Variants in CCDC92 observed in about 807,000 individuals in gnomAD.
CCDC92 encodes the protein coiled-coil domain containing 92, also known as coiled-coil domain-containing protein 92.
CCDC92 carries 12 observed loss-of-function variants against 24.9 expected under a neutral mutation model. The observed-to-expected ratio is 0.48, with a 90% CI of 0.31 to 0.78. The LOEUF is 0.78. Among genes scored for constraint, CCDC92 ranks in the 30% least tolerant of loss-of-function variants. CCDC92 has a pLI of 0.05. For synonymous variants in CCDC92, 193 were observed against 196.3 expected, an observed-to-expected ratio of 0.98 and a Z score of 0.14; for missense variants, 399 against 439.4, an observed-to-expected ratio of 0.91 and a Z score of 0.82.
At chr12:123,939,900 A>T (rs1352138166) in intron 4 of CCDC92, among the ~76,000 whole-genome samples, 1 of 152,198 alleles carries the variant, frequency 6.6e-6, no homozygotes, top group Non-Finnish European at 1.5e-5. Context: ...TCCTTCCCCC[A>T]GGGCCTGTGG....
At chr12:123,971,405 G>T (rs1956529432) in intron 1 of CCDC92, 1 of 149,986 alleles carries the variant, frequency 6.7e-6, no homozygotes, top group Admixed American at 6.6e-5. Flanking sequence ...AAAATGCATG[G>T]GAATTCTTGA....
Position 123,937,065 on chromosome 12 carries a change from G to A in CCDC92, c.989C>T (p.Thr330Ile), listed in dbSNP as rs771790655. 1.1e-5 allele frequency: 18 copies of A among 1,613,838 alleles called. No homozygotes were observed. Among genetic ancestry groups the A allele is most frequent in the Non-Finnish European group, 1.4e-5 (17 of 1,180,012 alleles). The part of the protein sequence containing the change: ...VVRKHSGTDR[T>I]V ...GGTGGGGCACGGCGGGCTTCACACA[G>A]TTCTGTCCGTCCCTGAGTGCTTCCT... Residue 330 changes from threonine to isoleucine, a missense_variant, in exon 5 of 5, where the codon ACT (threonine) becomes ATT (isoleucine). Coordinates refer to ENST00000238156, the MANE Select transcript of CCDC92 (RefSeq NM_025140.3). The surrounding 1 kb of genome is among the most constrained non-coding windows in gnomAD (Gnocchi z 8.4).
chr12:123,950,576 G>C (rs1249742804), intron 1 of CCDC92, among the ~76,000 whole-genome samples: 2 of 152,148 alleles, frequency 1.3e-5, no homozygotes, highest in Non-Finnish European at 2.9e-5. Context: ...CCACTATGTA[G>C]CATGTGCGTC....
At chr12:123,950,481 G>A (rs1955998153) in intron 1 of CCDC92, among the ~76,000 whole-genome samples, 1 of 152,208 alleles carries the variant, frequency 6.6e-6, no homozygotes, top group Non-Finnish European at 1.5e-5. Context: ...ACCAGCAAAG[G>A]TTCCTAGGAA....
chr12:123,952,854 T>TA (rs561341927), intron 1 of CCDC92, among the ~76,000 whole-genome samples: 1 of 152,350 alleles, frequency 6.6e-6, no homozygotes, highest in East Asian at 1.9e-4. Flanking sequence ...TAGTCATTCT[T>TA]AAAGAATTAG....
At chr12:123,957,628 T>C (rs942925297) in intron 1 of CCDC92, among the ~76,000 whole-genome samples, 2 of 152,002 alleles carry the variant, frequency 1.3e-5, no homozygotes, top group Non-Finnish European at 2.9e-5. Flanking sequence ...AAAATAGTAA[T>C]TATGACCATT....
In CCDC92 at chr12:123,937,259, G is replaced by A. The variant is rs375441686; in HGVS notation, c.795C>T (p.Ile265=). The change falls in exon 5 of 5, where the codon ATC becomes ATT. Residue 265 remains isoleucine (I), a synonymous_variant. Coordinates refer to ENST00000238156, the MANE Select transcript of CCDC92 (RefSeq NM_025140.3). This position sits in a 1 kb window ranked among gnomAD's most constrained non-coding sequence, Gnocchi z 8.4. ...CGCTTCGGTCGGAGGCGATGGGGGGGATGACGAGGGGCCTCTCTTTGATGA... is the reference window on the plus strand; with the variant it reads ...CGCTTCGGTCGGAGGCGATGGGGGGAATGACGAGGGGCCTCTCTTTGATGA... ...VHLIKERPLV[I]PPIASDRSGE... is the part of the protein sequence containing the mutation. 4.7e-5 allele frequency: 76 copies of A among 1,611,542 alleles called. No homozygotes were observed. The highest frequency in any genetic ancestry group is 3.3e-5 in the Admixed American group (2 of 60,004).
intron 2 of CCDC92, chr12:123,943,971 C>A: frequency 2.0e-6 from 1 of 499,940 alleles, no homozygotes; most frequent in Non-Finnish European, 3.5e-6. Context: ...ATTTCCCTGA[C>A]CAGGAAGCAC....
rs550237057 is a variant in CCDC92, at chr12:123,937,213, G to C, written c.841C>G (p.Arg281Gly). 1.2e-6 allele frequency: 2 copies of C among 1,609,602 alleles called. No individual in the cohort carries two copies. The highest frequency in any genetic ancestry group is 1.1e-5 in the South Asian group (1 of 90,992). Residue 281 changes from arginine to glycine, a missense_variant, in exon 5 of 5, where the codon CGC becomes GGC. Arg to Gly is a moderately radical substitution (Grantham distance 125, BLOSUM62 -2). Transcript: ENST00000238156. This position sits in a 1 kb window ranked among gnomAD's most constrained non-coding sequence, Gnocchi z 8.4. ...ACGTGGGCCTTGTGCGGCTTTTCGC[G>C]GGCCGGGCTGTGCTGCTCGCCGCTT... The part of the protein sequence containing the change: ...DRSGEQHSPA[R>G]EKPHKAHVGV...
chr12:123,940,269 C>T (rs544864651), intron 4 of CCDC92, among the ~76,000 whole-genome samples: 19 of 152,274 alleles, frequency 1.2e-4, no homozygotes, highest in South Asian at 4.2e-4. Context: ...ACAGCCCCTC[C>T]GAGTCAGAGC....
At chr12:123,949,433 G>T (rs1955966953) in intron 1 of CCDC92, among the ~76,000 whole-genome samples, 1 of 152,236 alleles carries the variant, frequency 6.6e-6, no homozygotes, top group African/African-American at 2.4e-5. Context: ...TGGAGATGCT[G>T]CCCACAGCTG....
chr12:123,971,355 T>C (rs895350770), intron 1 of CCDC92: 5 of 152,062 alleles, frequency 3.3e-5, no homozygotes, highest in African/African-American at 7.3e-5. Flanking sequence ...AAAAGCCACT[T>C]TAAACGTTAG....
At chr12:123,966,211 C>A (rs1410928391) in intron 1 of CCDC92, 2 of 152,112 alleles carry the variant, frequency 1.3e-5, no homozygotes, top group Non-Finnish European at 2.9e-5. Flanking sequence ...ACTGTCTTGT[C>A]CACAATCAGA....
At chr12:123,966,956 G>A (rs910938654) in intron 1 of CCDC92, among the ~76,000 whole-genome samples, 3 of 152,026 alleles carry the variant, frequency 2.0e-5, no homozygotes, top group Non-Finnish European at 4.4e-5. Flanking sequence ...TTTCTACTTG[G>A]ATATTTATTT....
intron 1 of CCDC92, among the ~76,000 whole-genome samples, chr12:123,961,685 G>A (rs1956275113): frequency 1.3e-5 from 2 of 152,246 alleles, no homozygotes; most frequent in African/African-American, 2.4e-5. Flanking sequence ...AGAAACTGCA[G>A]TAGCGACACA....
rs377557818 is a variant in CCDC92, at chr12:123,937,053, G to A, written c.*5C>T. The stretch of plus-strand genomic sequence containing the variant: ...TGGACAGCGCGGGGTGGGGCACGGC[G>A]GGCTTCACACAGTTCTGTCCGTCCC... On this transcript the variant is annotated 3_prime_UTR_variant, in exon 5 of 5. Transcript: ENST00000238156. The surrounding 1 kb of genome is among the most constrained non-coding windows in gnomAD (Gnocchi z 8.4). 8.6e-5 allele frequency: 138 copies of A among 1,613,576 alleles called. No individual in the cohort carries two copies. The highest frequency in any genetic ancestry group is 9.7e-5 in the Non-Finnish European group (115 of 1,179,956).
intron 1 of CCDC92, among the ~76,000 whole-genome samples, chr12:123,967,233 T>C (rs1406929493): frequency 6.6e-6 from 1 of 151,670 alleles, no homozygotes; most frequent in African/African-American, 2.4e-5. Flanking sequence ...TCTATTCTAC[T>C]AGAACGTTCT....
intron 1 of CCDC92, among the ~76,000 whole-genome samples, chr12:123,963,426 T>C (rs560337468): frequency 1.1e-3 from 162 of 152,268 alleles, no homozygotes; most frequent in Middle Eastern, 6.8e-3. Context: ...CCTATCTGAG[T>C]GAGTTTCTTC....
intron 1 of CCDC92, chr12:123,966,595 C>T (rs148603743): frequency 1.8e-4 from 27 of 152,286 alleles, no homozygotes; most frequent in African/African-American, 5.5e-4. Context: ...ACTAACCTGC[C>T]GAGGATTCCC....
Sources: gnomAD v4.1 joint callset for allele counts (sites outside exome capture counted in the v4.1 genomes callset) on GRCh38, gnomAD v4.1.1 for gene constraint, Gnocchi (gnomAD v3.1) non-coding constraint, MANE v1.5 for transcripts, NCBI Gene and HGNC (gene_info 2026-07-23, HGNC 2026-07-21) for gene names.